The following INO80D variants were observed in gnomAD, a reference collection of about 807,000 sequenced individuals.
INO80D encodes INO80 complex subunit D.
In INO80D, 21 loss-of-function variants were observed where a neutral mutation model predicts 87.6. That is an observed-to-expected ratio of 0.24 (90% confidence interval 0.17 to 0.35). The LOEUF is 0.35. INO80D is among the 10% of genes least tolerant of loss of function. The probability of loss-of-function intolerance (pLI) is 1.00; values close to 1 mark genes in which losing one functional copy is unlikely to be tolerated. For synonymous variants in INO80D, 440 were observed against 491.0 expected (o/e 0.90, Z 1.37); for missense variants, 982 against 1,280.7 (o/e 0.77, Z 3.56).
At position 206,063,856 on chromosome 2, in the gene INO80D, T is replaced by C. The variant is rs77691758; in HGVS notation, c.-123-612A>G. Among the ~76,000 whole-genome samples, 487 of 152,314 alleles carry C rather than the reference T, an allele frequency of 3.2e-3. 3 individuals carry two copies. Among genetic ancestry groups the C allele is most frequent in the African/African-American group, 0.011 (464 of 41,580 alleles). On this transcript the variant is annotated intron_variant, in intron 1 of 10. Transcript: ENST00000403263. Reference sequence around the variant, plus strand: ...TTTCATTACTGATGTTTGCATGCTATACTCATTTTCAGAACCCACATCCCT... The same window carrying C: ...TTTCATTACTGATGTTTGCATGCTACACTCATTTTCAGAACCCACATCCCT...
At position 205,996,527 on chromosome 2, in the gene INO80D, T is replaced by C. The variant is rs1164994640; in HGVS notation, c.*7841A>G. On this transcript the variant is annotated 3_prime_UTR_variant, in exon 11 of 11. Transcript: ENST00000403263. ...CTGTCACCTCCTCTGGCTTACAGAA[T>C]AATCCAGAACTTTCCATAGACATTA... 1.3e-5 allele frequency: 2 copies of C among 152,078 alleles called. No homozygotes were observed. The highest frequency in any genetic ancestry group is 2.9e-5 in the Non-Finnish European group (2 of 67,940). 9.4% of individuals were successfully genotyped at this position (152,078 alleles called of 1,614,324 possible).
At position 205,999,943 on chromosome 2, in the gene INO80D, T is replaced by C. The variant is rs1687876088; in HGVS notation, c.*4425A>G. On this transcript the variant is annotated 3_prime_UTR_variant, in exon 11 of 11. Transcript: ENST00000403263. Reference sequence around the variant, plus strand: ...AATGTATTGGGCGGGGGGAAACATCTATGTTCTTTCATATATATATATAAA... The same window carrying C: ...AATGTATTGGGCGGGGGGAAACATCCATGTTCTTTCATATATATATATAAA... The C allele has an allele frequency of 6.6e-6, 1 of 152,186 alleles. No homozygotes were observed. The highest frequency in any genetic ancestry group is 1.5e-5 in the Non-Finnish European group (1 of 68,036). The allele number at this position is 152,186 out of a possible 1,614,324, so 9.4% of individuals were successfully genotyped here.
rs1687909538 is a variant in INO80D, at chr2:206,001,653, A to G, written c.*2715T>C. ...TCTATTAAGTAAAAGAAAAACACAG[A>G]TCTCTCTGGGCTTATAGATGTTCTC... On this transcript the variant is annotated 3_prime_UTR_variant, in exon 11 of 11. Coordinates refer to ENST00000403263, the MANE Select transcript of INO80D (RefSeq NM_017759.5). The G allele has an allele frequency of 6.6e-6, 1 of 152,216 alleles. No homozygotes were observed. Among genetic ancestry groups the G allele is most frequent in the Non-Finnish European group, 1.5e-5 (1 of 68,036 alleles). 9.4% of individuals were successfully genotyped at this position (152,216 alleles called of 1,614,324 possible).
At chr2:206,080,110 A>T (rs181866333) in intron 1 of INO80D, among the ~76,000 whole-genome samples, 130 of 152,294 alleles carry the variant, frequency 8.5e-4, no homozygotes, top group African/African-American at 2.9e-3. Context: ...TCTCCAATAG[A>T]CTAAAAACTC....
rs772182730 is a variant in INO80D, at chr2:206,004,845, C to A, written c.2607G>T (p.Gln869His). The A allele has an allele frequency of 1.2e-6, 2 of 1,614,026 alleles. No homozygotes were observed. Among genetic ancestry groups the A allele is most frequent in the African/African-American group, 2.7e-5 (2 of 75,062 alleles). Residue 869 changes from glutamine to histidine, a missense_variant, in exon 11 of 11, where the codon CAG (glutamine) becomes CAT (histidine). Transcript: ENST00000403263. This position sits in a 1 kb window ranked among gnomAD's most constrained non-coding sequence, Gnocchi z 4.9. ...CCTCAAGTTGGGTTGGGAGCAAGTG[C>A]TGCGCCATGATGGGCATCTCTGCTG... Reference protein sequence around the residue: ...TFSAEMPIMAQHLLPTQLEVP... With the variant: ...TFSAEMPIMAHHLLPTQLEVP...
chr2:206,004,733 G>C lies in INO80D; in HGVS notation c.2719C>G (p.Leu907Val). The change falls in exon 11 of 11, where the codon CTC (leucine) becomes GTC (valine). Residue 907 changes from leucine to valine, a missense_variant. Coordinates refer to ENST00000403263, the MANE Select transcript of INO80D (RefSeq NM_017759.5). This position sits in a 1 kb window ranked among gnomAD's most constrained non-coding sequence, Gnocchi z 4.9. ...LGDPSPFSNL[L>V]GADGHLLSTS... is the part of the protein sequence containing the mutation. The stretch of plus-strand genomic sequence containing the variant: ...GAAAGAAGATGTCCATCTGCGCCGA[G>C]AAGGTTGCTAAATGGAGAGGGGTCT... 1 of 1,614,014 alleles carries C rather than the reference G, an allele frequency of 6.2e-7. No individual in the cohort carries two copies. Among genetic ancestry groups the C allele is most frequent in the East Asian group, 2.2e-5 (1 of 44,872 alleles).
chr2:206,078,061 CAA>C (rs71410859), intron 1 of INO80D, among the ~76,000 whole-genome samples: 3,349 of 62,648 alleles, frequency 0.053, 12 homozygotes, highest in African/African-American at 0.087. Context: ...GCAATGTTTA[CAA>C]AAAAAAAAAA....
intron 5 of INO80D, among the ~76,000 whole-genome samples, chr2:206,029,212 T>C (rs959656640): frequency 3.3e-5 from 5 of 152,130 alleles, no homozygotes; most frequent in Non-Finnish European, 5.9e-5. Flanking sequence ...TTTTTAACTA[T>C]GGAAGTATCC....
rs571883003 is a variant in INO80D, at chr2:206,041,533, A to C, written c.1073+4971T>G. Among the ~76,000 whole-genome samples the C allele has an allele frequency of 2.6e-5, 4 of 152,338 alleles. No homozygotes were observed. The East Asian group carries it at 7.7e-4, about 29-fold the overall frequency. On this transcript the variant is annotated intron_variant, in intron 5 of 10. Coordinates refer to ENST00000403263, the MANE Select transcript of INO80D (RefSeq NM_017759.5). ...AATCTTAAACAATTATGCATCTAAT[A>C]ACAGAAATACAAAGTGTGGGAAATA...
At position 206,009,674 on chromosome 2, in the gene INO80D, G is replaced by A. The variant is rs1688118529; in HGVS notation, c.1663C>T (p.Pro555Ser). 6.2e-7 allele frequency: 1 copy of A among 1,613,994 alleles called. No individual in the cohort carries two copies. Among genetic ancestry groups the A allele is most frequent in the Non-Finnish European group, 8.5e-7 (1 of 1,179,896 alleles). Reference protein sequence around the residue: ...KKHKKKRRRGPRRPQKPIPPA... With the variant: ...KKHKKKRRRGSRRPQKPIPPA... Reference sequence around the variant, plus strand: ...GGAATGGGTTTTTGGGGTCGACGAGGTCCACGCCTTCTCTTCTTCTTGTGT... The same window carrying A: ...GGAATGGGTTTTTGGGGTCGACGAGATCCACGCCTTCTCTTCTTCTTGTGT... The change falls in exon 9 of 11, where the codon CCT becomes TCT. Residue 555 changes from proline to serine, a missense_variant. Pro to Ser is a moderately conservative substitution (Grantham distance 74). Coordinates refer to ENST00000403263, the MANE Select transcript of INO80D (RefSeq NM_017759.5).
rs1229321870 is a variant in INO80D, at chr2:205,994,734, T to G, written c.*9634A>C. 6.6e-6 allele frequency: 1 copy of G among 152,122 alleles called. No individual in the cohort carries two copies. The highest frequency in any genetic ancestry group is 6.5e-5 in the Admixed American group (1 of 15,270). 9.4% of individuals were successfully genotyped at this position (152,122 alleles called of 1,614,324 possible). On this transcript the variant is annotated 3_prime_UTR_variant, in exon 11 of 11. Transcript: ENST00000403263. ...TGAGATGTAATCTGCTGCCAACTCT[T>G]CACAAAATAAAATAATATTTAATCG...
At chr2:206,054,545 G>A (rs995425303) in intron 4 of INO80D, among the ~76,000 whole-genome samples, 4 of 151,866 alleles carry the variant, frequency 2.6e-5, no homozygotes, top group Non-Finnish European at 4.4e-5. Context: ...ACAGGGTCTC[G>A]CTCTGTCACC....
In INO80D at chr2:206,085,987, G is replaced by A. The variant is rs1191729906; in HGVS notation, c.-210C>T. 6.6e-6 allele frequency: 1 copy of A among 152,608 alleles called. No individual in the cohort carries two copies. The highest frequency in any genetic ancestry group is 1.5e-5 in the Non-Finnish European group (1 of 68,330). The allele number at this position is 152,608 out of a possible 1,614,324, so 9.5% of individuals were successfully genotyped here. A position where few individuals can be genotyped will look rare whatever the true frequency, so the allele number is the denominator to read the frequency against. On this transcript the variant is annotated 5_prime_UTR_variant, in exon 1 of 11. Coordinates refer to ENST00000403263, the MANE Select transcript of INO80D (RefSeq NM_017759.5). This position sits in a 1 kb window ranked among gnomAD's most constrained non-coding sequence, Gnocchi z 4.5. ...AGTGAGAGGCGCTGGCAATGGACTA[G>A]GAAGCTCGGCTGCCGCTGCTACTGC...
rs1426508417 is a variant in INO80D at position 206,082,042 on chromosome 2, T to C, written c.-124+3859A>G. On this transcript the variant is annotated intron_variant, in intron 1 of 10. Transcript: ENST00000403263. ...AACTCATCTTTTATTTTTTTTGAGATAGAGTTTTGCTCTGGTTGCCCAGGC... is the reference window on the plus strand; with the variant it reads ...AACTCATCTTTTATTTTTTTTGAGACAGAGTTTTGCTCTGGTTGCCCAGGC... 6.6e-5 allele frequency among the ~76,000 whole-genome samples: 10 copies of C among 152,180 alleles called. No homozygotes were observed. In the South Asian group the frequency reaches 1.0e-3, roughly 16 times the overall value.
At chr2:206,018,694 G>A (rs978030616) in intron 7 of INO80D, among the ~76,000 whole-genome samples, 6 of 152,106 alleles carry the variant, frequency 3.9e-5, no homozygotes, top group Admixed American at 3.9e-4. Context: ...GCTAAGGTGG[G>A]TTGATTTATT....
At chr2:206,022,126 G>A (rs957111015) in intron 6 of INO80D, among the ~76,000 whole-genome samples, 1 of 151,792 alleles carries the variant, frequency 6.6e-6, no homozygotes, top group Non-Finnish European at 1.5e-5. Flanking sequence ...AGCACTTTGG[G>A]AGGCTGAGGC....
intron 5 of INO80D, among the ~76,000 whole-genome samples, chr2:206,038,301 G>C: frequency 6.6e-6 from 1 of 152,088 alleles, no homozygotes; most frequent in East Asian, 1.9e-4. Context: ...GAATATTTGT[G>C]GTATAAAGAT....
intron 6 of INO80D, among the ~76,000 whole-genome samples, chr2:206,023,735 T>C (rs940869277): frequency 1.3e-5 from 2 of 150,658 alleles, no homozygotes; most frequent in Admixed American, 6.6e-5. Flanking sequence ...TTATGATACA[T>C]TGTTACATGA....
In INO80D at chr2:206,001,443, G is replaced by A. The variant is rs574215369; in HGVS notation, c.*2925C>T. The A allele has an allele frequency of 6.6e-6, 1 of 152,282 alleles. No individual in the cohort carries two copies. Among genetic ancestry groups the A allele is most frequent in the South Asian group, 2.1e-4 (1 of 4,824 alleles). 9.4% of individuals were successfully genotyped at this position (152,282 alleles called of 1,614,324 possible). A position where few individuals can be genotyped will look rare whatever the true frequency, so the allele number is the denominator to read the frequency against. ...ACTATTTCTCCTGGGTTCAACACTA[G>A]AATAAAAGCTAGTTTCTACCTATTT... On this transcript the variant is annotated 3_prime_UTR_variant, in exon 11 of 11. Transcript: ENST00000403263.
Sources: gnomAD v4.1 joint callset for allele counts (sites outside exome capture counted in the v4.1 genomes callset) on GRCh38, gnomAD v4.1.1 for gene constraint, Gnocchi (gnomAD v3.1) non-coding constraint, MANE v1.5 for transcripts, NCBI Gene and HGNC (gene_info 2026-07-23, HGNC 2026-07-21) for gene names.